Variants in CNTNAP5 observed in about 807,000 individuals in gnomAD.
CNTNAP5 encodes contactin associated protein family member 5, also known as contactin-associated protein-like 5.
In CNTNAP5, 72 loss-of-function variants were observed where a neutral mutation model predicts 150.2. That is an observed-to-expected ratio of 0.48 (90% CI 0.40 to 0.58). CNTNAP5 has a LOEUF of 0.58. Ranked by LOEUF, CNTNAP5 falls within the 20% of genes least tolerant of loss-of-function variation. The probability of loss-of-function intolerance (pLI) is 0.00; values close to 1 mark genes in which losing one functional copy is unlikely to be tolerated. For missense variants in CNTNAP5, 1,636 were observed against 1,626.2 expected, an observed-to-expected ratio of 1.01 and a Z score of -0.10; for synonymous variants, 672 against 619.8, an observed-to-expected ratio of 1.08 and a Z score of -1.25.
At chr2:124,354,100 C>T (rs984448591) in intron 3 of CNTNAP5, among the ~76,000 whole-genome samples, 9 of 152,120 alleles carry the variant, frequency 5.9e-5, no homozygotes, top group African/African-American at 9.6e-5. Flanking sequence ...GAGAAAGAGA[C>T]GCTATGTTGT....
At chr2:124,576,649 A>G (rs1696288202) in intron 11 of CNTNAP5, among the ~76,000 whole-genome samples, 1 of 152,164 alleles carries the variant, frequency 6.6e-6, no homozygotes, top group Non-Finnish European at 1.5e-5. Context: ...AGTATGAAAA[A>G]GGAATTGTTT....
At chr2:124,365,631 C>G (rs942961477) in intron 3 of CNTNAP5, among the ~76,000 whole-genome samples, 1 of 152,112 alleles carries the variant, frequency 6.6e-6, no homozygotes, top group Non-Finnish European at 1.5e-5. Flanking sequence ...TTCCTTAGAC[C>G]TGAATTTGAG....
chr2:124,414,063 C>T (rs1002738716), intron 3 of CNTNAP5, among the ~76,000 whole-genome samples: 3 of 150,046 alleles, frequency 2.0e-5, no homozygotes, highest in Non-Finnish European at 4.4e-5. Context: ...TGAGTTCCAG[C>T]ATTGGATATA....
At chr2:124,647,350 G>A (rs751595928) in intron 12 of CNTNAP5, among the ~76,000 whole-genome samples, 3 of 152,186 alleles carry the variant, frequency 2.0e-5, no homozygotes, top group African/African-American at 7.2e-5. Context: ...TGTGTCAGTA[G>A]CTTTGGAGTC....
At chr2:124,068,111 C>A (rs559515599) in intron 1 of CNTNAP5, among the ~76,000 whole-genome samples, 1 of 150,426 alleles carries the variant, frequency 6.6e-6, no homozygotes, top group African/African-American at 2.4e-5. Flanking sequence ...TACACAAACG[C>A]ACATTTACAA....
intron 2 of CNTNAP5, among the ~76,000 whole-genome samples, chr2:124,235,200 A>G (rs932073918): frequency 2.6e-5 from 4 of 152,164 alleles, no homozygotes; most frequent in African/African-American, 9.7e-5. Flanking sequence ...CTTTGTATCA[A>G]TCTGACACTC....
chr2:124,381,041 G>T (rs917832115), intron 3 of CNTNAP5, among the ~76,000 whole-genome samples: 1 of 152,150 alleles, frequency 6.6e-6, no homozygotes, highest in African/African-American at 2.4e-5. Flanking sequence ...AGAACAGGAC[G>T]CCATGGGTGG....
intron 1 of CNTNAP5, among the ~76,000 whole-genome samples, chr2:124,029,289 T>C (rs571013123): frequency 6.6e-6 from 1 of 152,224 alleles, no homozygotes; most frequent in South Asian, 2.1e-4. Context: ...AATCAATAGA[T>C]AATATTAAAA....
chr2:124,271,701 C>CTATCTATCTATCATCT (rs200397448), intron 3 of CNTNAP5, among the ~76,000 whole-genome samples: 5 of 114,848 alleles, frequency 4.4e-5, no homozygotes, highest in Admixed American at 8.5e-5. Flanking sequence ...ATCTATCTAT[C>CTATCTATCTATCATCT]ATCTATCTAT....
intron 3 of CNTNAP5, among the ~76,000 whole-genome samples, chr2:124,245,641 T>G (rs1442427967): frequency 1.3e-5 from 2 of 149,542 alleles, no homozygotes; most frequent in Non-Finnish European, 3.0e-5. Context: ...ATGTGTGTGT[T>G]TGTGTGTATG....
intron 13 of CNTNAP5, among the ~76,000 whole-genome samples, chr2:124,670,790 C>T (rs143133363): frequency 1.3e-5 from 2 of 152,298 alleles, no homozygotes; most frequent in East Asian, 3.9e-4. Context: ...ATAAATAGAA[C>T]CTTCTTAGCA....
intron 1 of CNTNAP5, among the ~76,000 whole-genome samples, chr2:124,134,628 G>A (rs1325374151): frequency 6.6e-6 from 1 of 152,038 alleles, no homozygotes; most frequent in Non-Finnish European, 1.5e-5. Flanking sequence ...ATGGTCCTGG[G>A]GCCCAGAAAT....
chr2:124,122,558 A>G (rs981479857), intron 1 of CNTNAP5, among the ~76,000 whole-genome samples: 2 of 152,156 alleles, frequency 1.3e-5, no homozygotes, highest in African/African-American at 2.4e-5. Flanking sequence ...GTTTCATTCA[A>G]CTTTGGAATT....
At chr2:124,122,788 A>C (rs977218786) in intron 1 of CNTNAP5, among the ~76,000 whole-genome samples, 1 of 149,758 alleles carries the variant, frequency 6.7e-6, no homozygotes. Context: ...ACACACACAC[A>C]CACACCCACA....
intron 13 of CNTNAP5, among the ~76,000 whole-genome samples, chr2:124,677,290 G>A (rs1474404093): frequency 6.6e-6 from 1 of 152,140 alleles, no homozygotes; most frequent in African/African-American, 2.4e-5. Flanking sequence ...GCTGACTTCA[G>A]GAATGAAGCC....
At chr2:124,322,127 G>A (rs1252576340) in intron 3 of CNTNAP5, among the ~76,000 whole-genome samples, 1 of 151,660 alleles carries the variant, frequency 6.6e-6, no homozygotes, top group Non-Finnish European at 1.5e-5. Context: ...TCCAGCCTGG[G>A]TGACAGAGTG....
intron 1 of CNTNAP5, among the ~76,000 whole-genome samples, chr2:124,210,030 G>A (rs1284120561): frequency 6.6e-6 from 1 of 152,112 alleles, no homozygotes; most frequent in Non-Finnish European, 1.5e-5. Context: ...TCCAGAGTTT[G>A]ATCATGAAGG....
chr2:124,482,710 G>A (rs1042582899), intron 7 of CNTNAP5, among the ~76,000 whole-genome samples: 12 of 152,110 alleles, frequency 7.9e-5, no homozygotes, highest in African/African-American at 2.9e-4. Context: ...GGGCAGCGAA[G>A]GGCAGAGTGT....
chr2:124,809,935 C>T (rs1682168988), intron 19 of CNTNAP5, among the ~76,000 whole-genome samples: 1 of 152,110 alleles, frequency 6.6e-6, no homozygotes, highest in Admixed American at 6.6e-5. Context: ...CCTAAATCTC[C>T]TAAAGATAGA....
Sources: gnomAD v4.1 joint callset for allele counts (sites outside exome capture counted in the v4.1 genomes callset) on GRCh38, gnomAD v4.1.1 for gene constraint, MANE v1.5 for transcripts, NCBI Gene and HGNC (gene_info 2026-07-23, HGNC 2026-07-21) for gene names.